CHD1L: variants seen among roughly 807,000 people sequenced by gnomAD.
CHD1L encodes the protein chromodomain helicase DNA binding protein 1 like.
CHD1L carries 118 observed loss-of-function variants against 115.9 expected under a neutral mutation model. That is an observed-to-expected ratio of 1.02 (90% confidence interval 0.88 to 1.19). CHD1L has a LOEUF of 1.19. CHD1L is among the 50% of genes most tolerant of loss of function. The pLI, the probability that CHD1L is intolerant of heterozygous loss-of-function variation, is 0.00. For missense variants in CHD1L, 1,179 were observed against 1,065.3 expected, an observed-to-expected ratio of 1.11 and a Z score of -1.49; for synonymous variants, 411 against 387.1, an observed-to-expected ratio of 1.06 and a Z score of -0.72.
the CHD1L span, among the ~76,000 whole-genome samples, chr1:147,203,113 C>T: frequency 0.32 from 5,905 of 18,236 alleles, 178 homozygotes; most frequent in South Asian, 0.46. Flanking sequence ...CCAAAGGTTT[C>T]CTTTTTTTTT....
the CHD1L span, chr1:147,224,007 C>T: frequency 2.4e-6 from 1 of 420,966 alleles, no homozygotes; most frequent in Non-Finnish European, 4.7e-6. Context: ...AACAAGAAGA[C>T]TCAGCTGGTG....
intron 5 of CHD1L, among the ~76,000 whole-genome samples, chr1:147,257,156 G>T (rs998050825): frequency 3.3e-5 from 5 of 152,118 alleles, no homozygotes; most frequent in Non-Finnish European, 7.4e-5. Context: ...TTAAATAAGG[G>T]CTAGAGTTTA....
intron 4 of CHD1L, among the ~76,000 whole-genome samples, chr1:147,256,319 A>G (rs1346662216): frequency 1.3e-5 from 2 of 152,038 alleles, no homozygotes; most frequent in Non-Finnish European, 2.9e-5. Context: ...AGTCTAAGAC[A>G]GTGTGTGCCA....
In CHD1L at chr1:147,295,528, A is replaced by T. The variant is rs1369912175; in HGVS notation, c.*19A>T. On this transcript the variant is annotated 3_prime_UTR_variant, in exon 23 of 23. Transcript: ENST00000369258. ...GCCTTAAGAATTGGCCCAGCCTCAG[A>T]TCCTGTCTTTAGCAACCAGCTAATA... 2 of 1,571,536 alleles carry T rather than the reference A, an allele frequency of 1.3e-6. No individual in the cohort carries two copies. Among genetic ancestry groups the T allele is most frequent in the Non-Finnish European group, 1.7e-6 (2 of 1,145,074 alleles).
chr1:147,225,178 C>G, the CHD1L span: 2 of 1,485,886 alleles, frequency 1.3e-6, no homozygotes, highest in Non-Finnish European at 1.8e-6. Flanking sequence ...TTGAGGAGGA[C>G]AGATTCGACG....
chr1:147,277,317 G>A (rs892793137), intron 14 of CHD1L, among the ~76,000 whole-genome samples: 7 of 152,120 alleles, frequency 4.6e-5, no homozygotes, highest in African/African-American at 1.7e-4. Flanking sequence ...GTTTAAGAGA[G>A]AAAAAGTGAC....
chr1:147,201,453 A>G, the CHD1L span: 17 of 1,614,172 alleles, frequency 1.1e-5, no homozygotes, highest in Non-Finnish European at 1.4e-5. Context: ...CCAAGCCAGA[A>G]ATGATACGAT....
At chr1:147,178,280 G>C in the CHD1L span, 2 of 1,613,514 alleles carry the variant, frequency 1.2e-6, no homozygotes, top group Non-Finnish European at 1.7e-6. Context: ...TTCGCCCCCT[G>C]GTGTGGACAC....
chr1:147,208,608 T>C, the CHD1L span: 1 of 345,818 alleles, frequency 2.9e-6, no homozygotes, highest in East Asian at 6.6e-5. Flanking sequence ...CCTGGCTAAT[T>C]TTGTGTTTTT....
upstream of CHD1L, among the ~76,000 whole-genome samples, chr1:147,241,749 G>A (rs1456078061): frequency 6.6e-6 from 1 of 151,982 alleles, no homozygotes; most frequent in African/African-American, 2.4e-5. Context: ...GAGAATGGAG[G>A]GTACAAATTT....
chr1:147,272,903 G>GAAAAA (rs35351060), intron 12 of CHD1L, among the ~76,000 whole-genome samples: 5 of 141,426 alleles, frequency 3.5e-5, no homozygotes, highest in African/African-American at 1.0e-4. Flanking sequence ...GTGGTGTCTG[G>GAAAAA]AAAAAAAAAA....
At chr1:147,253,647 C>T (rs1482616752) in intron 2 of CHD1L, among the ~76,000 whole-genome samples, 2 of 152,190 alleles carry the variant, frequency 1.3e-5, no homozygotes, top group Non-Finnish European at 2.9e-5. Context: ...CAGGCGCATG[C>T]CACCATGCAC....
At chr1:147,255,187 G>A (rs1452049282) in intron 3 of CHD1L, among the ~76,000 whole-genome samples, 1 of 152,190 alleles carries the variant, frequency 6.6e-6, no homozygotes, top group Admixed American at 6.5e-5. Flanking sequence ...GTCAGCAATC[G>A]TTTGTAGTAA....
At chr1:147,178,062 A>C in the CHD1L span, 1 of 1,014,020 alleles carries the variant, frequency 9.9e-7, no homozygotes, top group Non-Finnish European at 1.4e-6. Flanking sequence ...CGACCGCCGC[A>C]GTCCCAGTCG....
At chr1:147,226,178 G>A in the CHD1L span, among the ~76,000 whole-genome samples, 3 of 151,680 alleles carry the variant, frequency 2.0e-5, no homozygotes, top group Non-Finnish European at 4.4e-5. Context: ...GGTGGGAGGA[G>A]GGCAGCAGTA....
At position 147,295,558 on chromosome 1, in the gene CHD1L, C is replaced by T. The variant is rs782268619; in HGVS notation, c.*49C>T. 2 of 1,313,220 alleles carry T rather than the reference C, an allele frequency of 1.5e-6. No individual in the cohort carries two copies. The highest frequency in any genetic ancestry group is 2.3e-5 in the East Asian group (1 of 43,248). The allele number at this position is 1,313,220 out of a possible 1,614,324, so 81.3% of individuals were successfully genotyped here. The stretch of plus-strand genomic sequence containing the variant: ...GTCTTTAGCAACCAGCTAATATTTA[C>T]CCAGAGGTACTGCAATAGAGTATTT... On this transcript the variant is annotated 3_prime_UTR_variant, in exon 23 of 23. Coordinates refer to ENST00000369258, the MANE Select transcript of CHD1L (RefSeq NM_004284.6).
the CHD1L span, among the ~76,000 whole-genome samples, chr1:147,188,509 T>G: frequency 1.9e-5 from 2 of 103,768 alleles, no homozygotes; most frequent in South Asian, 3.2e-4. Flanking sequence ...GGTAACAGAG[T>G]GAGACCCCAT....
intron 19 of CHD1L, among the ~76,000 whole-genome samples, chr1:147,288,888 C>G (rs1435556388): frequency 2.0e-5 from 3 of 152,076 alleles, no homozygotes; most frequent in African/African-American, 7.2e-5. Context: ...GGGAAAAAGG[C>G]ACCTCCTTTT....
rs1210881089 is a variant in CHD1L, at chr1:147,295,461, C to G, written c.2646C>G (p.Val882=). 1 of 1,611,458 alleles carries G rather than the reference C, an allele frequency of 6.2e-7. No individual in the cohort carries two copies. Among genetic ancestry groups the G allele is most frequent in the Non-Finnish European group, 8.5e-7 (1 of 1,178,490 alleles). ...IYYFPRSKSA[V]LHSQSSSSSS... The stretch of plus-strand genomic sequence containing the variant: ...ATTTTCCTAGAAGCAAGTCTGCTGT[C>G]CTTCATTCACAGTCTTCATCTTCCT... The change falls in exon 23 of 23, where the codon GTC becomes GTG. Residue 882 remains valine, a synonymous_variant. Coordinates refer to ENST00000369258, the MANE Select transcript of CHD1L (RefSeq NM_004284.6).
Sources: gnomAD v4.1 joint callset for allele counts (sites outside exome capture counted in the v4.1 genomes callset) on GRCh38, gnomAD v4.1.1 for gene constraint, MANE v1.5 for transcripts, NCBI Gene and HGNC (gene_info 2026-07-23, HGNC 2026-07-21) for gene names.